RFC1: variants seen among roughly 807,000 people sequenced by gnomAD.
The protein encoded by RFC1 is replication factor C subunit 1.
A neutral mutation model predicts 137.4 loss-of-function variants in RFC1; 37 were observed. The observed-to-expected ratio is 0.27, with a 90% CI of 0.21 to 0.35. RFC1 has a LOEUF of 0.35. Ranked by LOEUF, RFC1 falls within the 10% of genes least tolerant of loss-of-function variation. The pLI is 1.00. For missense variants in RFC1, 1,205 were observed against 1,358.5 expected (o/e 0.89, Z 1.78); for synonymous variants, 429 against 455.7 (o/e 0.94, Z 0.75).
In RFC1 at chr4:39,288,440, T is replaced by G. The variant is rs55705621; in HGVS notation, c.*321A>C. The G allele has an allele frequency of 1.9e-3, 392 of 204,414 alleles. 2 individuals carry two copies. The highest frequency in any genetic ancestry group is 8.6e-3 in the African/African-American group (372 of 43,410). 12.7% of individuals were successfully genotyped at this position (204,414 alleles called of 1,614,324 possible). A position where few individuals can be genotyped will look rare whatever the true frequency, so the allele number is the denominator to read the frequency against. ...CGCCTTAGTACTACTGCTCCCAGGC[T>G]CATTATTGTTAACTAAAATCTGACT... On this transcript the variant is annotated 3_prime_UTR_variant, in exon 25 of 25. Coordinates refer to ENST00000349703, the MANE Select transcript of RFC1 (RefSeq NM_002913.5).
At position 39,349,396 on chromosome 4, in the gene RFC1, G is replaced by A. The variant is rs7700021; in HGVS notation, c.132+1952C>T. 8.5e-3 allele frequency among the ~76,000 whole-genome samples: 1,298 copies of A among 152,224 alleles called. 19 individuals are homozygous for A. The highest frequency in any genetic ancestry group is 0.028 in the African/African-American group (1,176 of 41,516). On this transcript the variant is annotated intron_variant, in intron 2 of 24. Coordinates refer to ENST00000349703, the MANE Select transcript of RFC1 (RefSeq NM_002913.5). ...TAAGGGTGGGGCTCTGATCTGACAG[G>A]ATTAGCATTCTATAAGAACAGACAC...
rs1200810962 is a variant in RFC1, at chr4:39,288,628, T to C, written c.*133A>G. On this transcript the variant is annotated 3_prime_UTR_variant, in exon 25 of 25. Transcript: ENST00000349703. ...ACCCTTCTAGCCATACCACCCTTTA[T>C]TTATAATGGGACACCAGGTCATCCC... 2 of 656,228 alleles carry C rather than the reference T, an allele frequency of 3.0e-6. No homozygotes were observed. The highest frequency in any genetic ancestry group is 5.3e-5 in the East Asian group (2 of 37,802). 40.7% of individuals were successfully genotyped at this position (656,228 alleles called of 1,614,324 possible). A position where few individuals can be genotyped will look rare whatever the true frequency, so the allele number is the denominator to read the frequency against.
chr4:39,301,414 C>A (rs1470323337), intron 19 of RFC1, among the ~76,000 whole-genome samples: 1 of 152,282 alleles, frequency 6.6e-6, no homozygotes, highest in South Asian at 2.1e-4. Flanking sequence ...AGAGGGAATG[C>A]TAATGTCAAC....
intron 1 of RFC1, among the ~76,000 whole-genome samples, chr4:39,364,117 G>A (rs1004580736): frequency 6.7e-6 from 1 of 150,350 alleles, no homozygotes; most frequent in Middle Eastern, 3.5e-3. Context: ...AAGAAGATAG[G>A]TCAATCCCTT....
Position 39,351,360 on chromosome 4 carries a change from T to A in RFC1, c.120A>T (p.Ile40=). 1 of 1,558,786 alleles carries A rather than the reference T, an allele frequency of 6.4e-7. No homozygotes were observed. The highest frequency in any genetic ancestry group is 1.2e-5 in the South Asian group (1 of 81,770). ...CCAGAAAACTAACCTTGATTTCCTT[T>A]ATTCCTTTCTTTGCTTTTAAAGTTT... ...DEETLKAKKG[I]KEIKVNSSRK... is the part of the protein sequence containing the mutation. The change falls in exon 2 of 25, where the codon ATA becomes ATT. Residue 40 remains isoleucine (I), a synonymous_variant. Coordinates refer to ENST00000349703, the MANE Select transcript of RFC1 (RefSeq NM_002913.5).
chr4:39,320,827 A>C (rs563797721), intron 8 of RFC1, among the ~76,000 whole-genome samples, 158 bp from the exon 9 acceptor site: 2 of 152,314 alleles, frequency 1.3e-5, no homozygotes, highest in African/African-American at 4.8e-5. Context: ...TAAATCTATA[A>C]ATACATTTAC....
In RFC1 at chr4:39,301,873, C is replaced by T. The variant is rs192374568; in HGVS notation, c.2535+405G>A. On this transcript the variant is annotated intron_variant, in intron 19 of 24. Coordinates refer to ENST00000349703, the MANE Select transcript of RFC1 (RefSeq NM_002913.5). ...TGCTCTAACTATAAATTCTGATTAGCAACTAGGTAAAATACAACACAGAGG... is the reference window on the plus strand; with the variant it reads ...TGCTCTAACTATAAATTCTGATTAGTAACTAGGTAAAATACAACACAGAGG... Among the ~76,000 whole-genome samples the T allele has an allele frequency of 2.6e-3, 400 of 152,276 alleles. 1 individual carries two copies. The highest frequency in any genetic ancestry group is 4.7e-3 in the Admixed American group (72 of 15,294).
intron 1 of RFC1, chr4:39,365,530 G>A (rs1267534054): frequency 6.1e-6 from 6 of 981,016 alleles, no homozygotes; most frequent in Non-Finnish European, 6.1e-6. Flanking sequence ...ATTTTATCCA[G>A]AATTATGCAG....
chr4:39,335,257 G>T (rs1264274281), intron 4 of RFC1, among the ~76,000 whole-genome samples: 1 of 152,188 alleles, frequency 6.6e-6, no homozygotes, highest in African/African-American at 2.4e-5. Context: ...TTTGGTTTCA[G>T]AGACAGAAAA....
rs1364447334 is a variant in RFC1, at chr4:39,308,621, A to G, written c.1885+15T>C. On this transcript the variant is annotated intron_variant, in intron 13 of 24. Coordinates refer to ENST00000349703, the MANE Select transcript of RFC1 (RefSeq NM_002913.5). ...ATATACACACACACAAAAATGAGTG[A>G]GGTTGTAAAATCACCGTGTTTTTTA... 6.2e-7 allele frequency: 1 copy of G among 1,600,106 alleles called. No individual in the cohort carries two copies. The highest frequency in any genetic ancestry group is 1.3e-5 in the African/African-American group (1 of 74,462).
rs535971979 is a variant in RFC1 at position 39,302,327 on chromosome 4, T to C, written c.2486A>G (p.Tyr829Cys). ...GTGAGAATCAGCTTTGGCCTGGTCA[T>C]AGGTTAATGCTTTACTTCGTGCACA... ...MWCARSKALT[Y>C]DQAKADSHRA... Residue 829 changes from tyrosine (Y) to cysteine (C), a missense_variant, in exon 19 of 25, where the codon TAT (tyrosine) becomes TGT (cysteine). This residue lies in a region of RFC1 where 962 missense variants were observed against 1,035.3 expected (regional missense o/e 0.93). Coordinates refer to ENST00000349703, the MANE Select transcript of RFC1 (RefSeq NM_002913.5). 7.0e-5 allele frequency: 113 copies of C among 1,613,420 alleles called. No individual in the cohort carries two copies. Among genetic ancestry groups the C allele is most frequent in the Non-Finnish European group, 9.2e-5 (109 of 1,179,476 alleles).
chr4:39,356,676 C>G (rs1361398943), intron 1 of RFC1, among the ~76,000 whole-genome samples: 1 of 152,132 alleles, frequency 6.6e-6, no homozygotes, highest in South Asian at 2.1e-4. Flanking sequence ...TTTTCTGTTA[C>G]TCTCATATTA....
intron 1 of RFC1, among the ~76,000 whole-genome samples, chr4:39,353,628 C>A (rs772512152): frequency 2.6e-5 from 4 of 152,048 alleles, no homozygotes; most frequent in Admixed American, 6.6e-5. Flanking sequence ...TACAGAGAAT[C>A]AAGTCTGAGG....
intron 14 of RFC1, 111 bp from the exon 15 acceptor site, chr4:39,305,039 CAT>C (rs1347697495): frequency 5.0e-5 from 36 of 726,650 alleles, no homozygotes; most frequent in Admixed American, 3.0e-4. Flanking sequence ...TATAAAAACC[CAT>C]AGGTAAAGTA....
intron 21 of RFC1, among the ~76,000 whole-genome samples, chr4:39,299,598 G>A (rs528640148): frequency 1.7e-5 from 2 of 118,488 alleles, no homozygotes; most frequent in African/African-American, 6.7e-5. Flanking sequence ...GGGCAACACA[G>A]CAACACTGTC....
At chr4:39,355,112 C>T (rs1229725716) in intron 1 of RFC1, among the ~76,000 whole-genome samples, 26 of 142,516 alleles carry the variant, frequency 1.8e-4, no homozygotes, top group African/African-American at 6.9e-4. Context: ...CACACACACA[C>T]ACACACACAC....
At chr4:39,306,791 A>T in intron 13 of RFC1, 90 bp from the exon 14 acceptor site, 1 of 737,928 alleles carries the variant, frequency 1.4e-6, no homozygotes, top group South Asian at 1.5e-5. Context: ...TAAACTTCAC[A>T]TAGACAGCTG....
At chr4:39,329,895 C>T (rs754225183) in intron 4 of RFC1, among the ~76,000 whole-genome samples, 1 of 152,072 alleles carries the variant, frequency 6.6e-6, no homozygotes, top group East Asian at 1.9e-4. Context: ...ATTAGCTGGG[C>T]GTGGTGGAGT....
chr4:39,300,686 GT>G (rs1738307609), intron 19 of RFC1, among the ~76,000 whole-genome samples: 1 of 152,186 alleles, frequency 6.6e-6, no homozygotes, highest in South Asian at 2.1e-4. Flanking sequence ...ATTACCAAAA[GT>G]TGTAAGCAAC....
Sources: allele counts gnomAD v4.1 joint callset (sites outside exome capture counted in the v4.1 genomes callset), GRCh38; gene constraint gnomAD v4.1.1; regional missense constraint gnomAD v4.1.1; transcripts MANE v1.5; gene names NCBI Gene and HGNC (gene_info 2026-07-23, HGNC 2026-07-21).